Variants in SAT2 observed in about 807,000 individuals in gnomAD.
The protein encoded by SAT2 is spermidine/spermine N1-acetyltransferase family member 2.
SAT2 carries 19 observed loss-of-function variants against 24.8 expected under a neutral mutation model. The ratio of observed to expected loss-of-function variants is 0.77; its 90% CI spans 0.53 to 1.12. The LOEUF (loss-of-function observed/expected upper bound fraction) is 1.12, where lower values mean the gene tolerates loss of function less well. Ranked by LOEUF, SAT2 falls within the 50% of genes most tolerant of loss-of-function variation. SAT2 has a pLI of 0.00. For missense variants in SAT2, 190 were observed against 210.7 expected (o/e 0.90, Z 0.61); for synonymous variants, 77 against 77.4 (o/e 0.99, Z 0.03).
Position 7,627,358 on chromosome 17 carries a change from C to G in SAT2, c.118+5G>C. The G allele has an allele frequency of 6.2e-7, 1 of 1,614,170 alleles. No individual in the cohort carries two copies. The highest frequency in any genetic ancestry group is 8.5e-7 in the Non-Finnish European group (1 of 1,180,032). On this transcript the variant is annotated splice_donor_5th_base_variant and intron_variant, in intron 2 of 5. Coordinates refer to ENST00000269298, the MANE Select transcript of SAT2 (RefSeq NM_133491.5). This position sits in a 1 kb window ranked among gnomAD's most constrained non-coding sequence, Gnocchi z 4.8. The stretch of plus-strand genomic sequence containing the variant: ...TCCGCCAGAACCTGGGCGCTGAGCC[C>G]CCACCTTCTTCACTGATCTTCACCT...
At position 7,626,468 on chromosome 17, in the gene SAT2, CG is replaced by C; in HGVS notation, c.491del (p.Thr164ArgfsTer25). 1 of 1,614,046 alleles carries C rather than the reference CG, an allele frequency of 6.2e-7. No individual in the cohort carries two copies. Among genetic ancestry groups the C allele is most frequent in the Non-Finnish European group, 8.5e-7 (1 of 1,179,978 alleles). On this transcript the variant is annotated frameshift_variant, in exon 6 of 6. Transcript: ENST00000269298. LOFTEE classifies it high-confidence loss of function. ...WHFFCFQGEA[T>X]RKLAGK ...GGCGTCACTTTCCTGCCAACTTTCT[CG>C]TTGCCTCTCCTTGAAAGCAGAAGAA...
Position 7,627,048 on chromosome 17 carries a change from A to G in SAT2, c.203-4T>C, listed in dbSNP as rs373106858. The G allele has an allele frequency of 1.9e-6, 3 of 1,613,442 alleles. No individual in the cohort carries two copies. The highest frequency in any genetic ancestry group is 2.5e-6 in the Non-Finnish European group (3 of 1,179,514). ...CCATAGCCCACCACGCAGGGCCCTG[A>G]GAGAGAGAAAAGGGGAGTAAGGCTT... On this transcript the variant is annotated splice_region_variant and splice_polypyrimidine_tract_variant and intron_variant, in intron 3 of 5. Coordinates refer to ENST00000269298, the MANE Select transcript of SAT2 (RefSeq NM_133491.5). The surrounding 1 kb of genome is among the most constrained non-coding windows in gnomAD (Gnocchi z 4.8).
chr17:7,627,407 G>T lies in SAT2; in HGVS notation c.74C>A (p.Ala25Asp). 1.2e-6 allele frequency: 2 copies of T among 1,614,030 alleles called. No homozygotes were observed. The highest frequency in any genetic ancestry group is 2.2e-5 in the South Asian group (2 of 91,066). The change falls in exon 2 of 6, where the codon GCC (alanine) becomes GAC (aspartate). Residue 25 changes from alanine to aspartate, a missense_variant. Ala to Asp is a moderately radical substitution (Grantham distance 126). Coordinates refer to ENST00000269298, the MANE Select transcript of SAT2 (RefSeq NM_133491.5). The surrounding 1 kb of genome is among the most constrained non-coding windows in gnomAD (Gnocchi z 4.8). Reference sequence around the variant, plus strand: ...CTGATCCGAGAGTTTTTCGAATTCGGCTAGCTCCTAAGGCGTGGGTACGGA... The same window carrying T: ...CTGATCCGAGAGTTTTTCGAATTCGTCTAGCTCCTAAGGCGTGGGTACGGA... ...GDILRLIREL[A>D]EFEKLSDQVK...
Position 7,627,129 on chromosome 17 carries a change from C to T in SAT2, c.202+14G>A. 11 of 1,613,912 alleles carry T rather than the reference C, an allele frequency of 6.8e-6. No homozygotes were observed. The highest frequency in any genetic ancestry group is 8.5e-6 in the Non-Finnish European group (10 of 1,179,884). ...GGCTGGAGAGGTGGACTTCTAAGGGCCAGGTGCTCTTACCCAGTAGCTTCC... is the reference window on the plus strand; with the variant it reads ...GGCTGGAGAGGTGGACTTCTAAGGGTCAGGTGCTCTTACCCAGTAGCTTCC... On this transcript the variant is annotated intron_variant, in intron 3 of 5. Coordinates refer to ENST00000269298, the MANE Select transcript of SAT2 (RefSeq NM_133491.5). This position sits in a 1 kb window ranked among gnomAD's most constrained non-coding sequence, Gnocchi z 4.8.
At position 7,627,816 on chromosome 17, in the gene SAT2, G is replaced by A; in HGVS notation, c.-181C>T. 4 of 706,330 alleles carry A rather than the reference G, an allele frequency of 5.7e-6. No individual in the cohort carries two copies. Among genetic ancestry groups the A allele is most frequent in the Non-Finnish European group, 1.0e-5 (4 of 388,832 alleles). 43.8% of individuals were successfully genotyped at this position (706,330 alleles called of 1,614,324 possible). ...GCTGGGATTCCGGCGCCGTACGGGA[G>A]GAGAGAGTAGGCCAGCGAGGCGATC... On this transcript the variant is annotated 5_prime_UTR_variant, in exon 1 of 6. Coordinates refer to ENST00000269298, the MANE Select transcript of SAT2 (RefSeq NM_133491.5). The surrounding 1 kb of genome is among the most constrained non-coding windows in gnomAD (Gnocchi z 4.8).
intron 4 of SAT2, 21 bp from the exon 5 acceptor site, chr17:7,626,814 C>CA: frequency 6.2e-7 from 1 of 1,613,530 alleles, no homozygotes. Flanking sequence ...GAGAAAGAGG[C>CA]AAAAAATAGC....
At chr17:7,627,863 C>A (rs2072271963), upstream of SAT2, 2 of 650,564 alleles carry the variant, frequency 3.1e-6, no homozygotes, top group Non-Finnish European at 5.7e-6. The surrounding 1 kb of genome is among the most constrained non-coding windows in gnomAD (Gnocchi z 4.8). Flanking sequence ...CATAGCCCCA[C>A]CCCCTCGAAT....
At position 7,627,008 on chromosome 17, in the gene SAT2, A is replaced by T. The variant is rs779410259; in HGVS notation, c.239T>A (p.Ile80Asn). ...GGTGCGTCCCTTCCATGTACTGTAG[A>T]TGAAATAGTATATCCCATAGCCCAC... Reference protein sequence around the residue: ...CVVGYGIYYFIYSTWKGRTIY... With the variant: ...CVVGYGIYYFNYSTWKGRTIY... Residue 80 changes from isoleucine to asparagine, a missense_variant, in exon 4 of 6, where the codon ATC (isoleucine) becomes AAC (asparagine). By Grantham distance (149) the Ile-to-Asn change is moderately radical. Transcript: ENST00000269298. The surrounding 1 kb of genome is among the most constrained non-coding windows in gnomAD (Gnocchi z 4.8). The T allele has an allele frequency of 1.5e-5, 25 of 1,613,820 alleles. No homozygotes were observed. Among genetic ancestry groups the T allele is most frequent in the South Asian group, 9.9e-5 (9 of 91,076 alleles).
rs755693188 is a variant in SAT2, at chr17:7,627,461, G to C, written c.67-47C>G. ...TAGATTAGAGCAGAAGGGCCCCGCT[G>C]CTCCCCGAGCAGGTTCCCAAGGCGA... On this transcript the variant is annotated intron_variant, in intron 1 of 5. Coordinates refer to ENST00000269298, the MANE Select transcript of SAT2 (RefSeq NM_133491.5). The surrounding 1 kb of genome is among the most constrained non-coding windows in gnomAD (Gnocchi z 4.8). 1 of 1,610,966 alleles carries C rather than the reference G, an allele frequency of 6.2e-7. No homozygotes were observed. The highest frequency in any genetic ancestry group is 1.1e-5 in the South Asian group (1 of 91,028).
rs868250367 is a variant in SAT2 at position 7,626,687 on chromosome 17, C to T, written c.345+66G>A. 4.7e-5 allele frequency: 76 copies of T among 1,612,202 alleles called. No individual in the cohort carries two copies. The African/African-American group carries it at 7.2e-4, about 15-fold the overall frequency. On this transcript the variant is annotated intron_variant, in intron 5 of 5. Transcript: ENST00000269298. Reference sequence around the variant, plus strand: ...GGTTTTCTCACTCCCTCTTTCAACCCGGGTCCCCCCTCCATATACCCTTGC... The same window carrying T: ...GGTTTTCTCACTCCCTCTTTCAACCTGGGTCCCCCCTCCATATACCCTTGC...
chr17:7,626,352 G>A lies in SAT2; in HGVS notation c.*95C>T. ...CCCTAACCCTCCTTCCTCCAGGGAG[G>A]CCTCAGCATCAGTGTCTGTGGACGT... On this transcript the variant is annotated 3_prime_UTR_variant, in exon 6 of 6. Coordinates refer to ENST00000269298, the MANE Select transcript of SAT2 (RefSeq NM_133491.5). 1 of 1,380,926 alleles carries A rather than the reference G, an allele frequency of 7.2e-7. No individual in the cohort carries two copies. The highest frequency in any genetic ancestry group is 1.4e-5 in the African/African-American group (1 of 69,664). The allele number at this position is 1,380,926 out of a possible 1,614,324, so 85.5% of individuals were successfully genotyped here.
chr17:7,627,315 C>T lies in SAT2; in HGVS notation c.118+48G>A, dbSNP rs1161467419. 1 of 1,613,144 alleles carries T rather than the reference C, an allele frequency of 6.2e-7. No homozygotes were observed. The highest frequency in any genetic ancestry group is 8.5e-7 in the Non-Finnish European group (1 of 1,179,284). On this transcript the variant is annotated intron_variant, in intron 2 of 5. Coordinates refer to ENST00000269298, the MANE Select transcript of SAT2 (RefSeq NM_133491.5). The surrounding 1 kb of genome is among the most constrained non-coding windows in gnomAD (Gnocchi z 4.8). The stretch of plus-strand genomic sequence containing the variant: ...GAGCTGTCGCCTGGGGAACCCATCC[C>T]TCATTTCCTCCCCAGCCTCCGCCAG...
rs768733721 is a variant in SAT2 at position 7,627,738 on chromosome 17, G to A, written c.-103C>T. ...TGGATCCTGAAGAGCCTGAGAGAGC[G>A]GGGTGGCGGGAGTCGGGGGGGACGG... On this transcript the variant is annotated 5_prime_UTR_variant, in exon 1 of 6. Transcript: ENST00000269298. The surrounding 1 kb of genome is among the most constrained non-coding windows in gnomAD (Gnocchi z 4.8). The A allele has an allele frequency of 6.5e-6, 9 of 1,374,110 alleles. No homozygotes were observed. Among genetic ancestry groups the A allele is most frequent in the Admixed American group, 1.8e-5 (1 of 55,610 alleles). 85.1% of individuals were successfully genotyped at this position (1,374,110 alleles called of 1,614,324 possible). A position where few individuals can be genotyped will look rare whatever the true frequency, so the allele number is the denominator to read the frequency against.
intron 4 of SAT2, 47 bp from the exon 5 acceptor site, chr17:7,626,840 AG>A: frequency 6.2e-7 from 1 of 1,610,572 alleles, no homozygotes; most frequent in South Asian, 1.1e-5. Context: ...TTTGAGCTGA[AG>A]GGGATCAGAA....
At position 7,627,654 on chromosome 17, in the gene SAT2, G is replaced by T. The variant is rs779982141; in HGVS notation, c.-19C>A. Reference sequence around the variant, plus strand: ...AAGCCATCCGGATCCCCGCTGTCTGGGACCAAAGTCCCAGGGCCTCGCAAA... The same window carrying T: ...AAGCCATCCGGATCCCCGCTGTCTGTGACCAAAGTCCCAGGGCCTCGCAAA... On this transcript the variant is annotated 5_prime_UTR_variant, in exon 1 of 6. Coordinates refer to ENST00000269298, the MANE Select transcript of SAT2 (RefSeq NM_133491.5). The surrounding 1 kb of genome is among the most constrained non-coding windows in gnomAD (Gnocchi z 4.8). 1.2e-6 allele frequency: 2 copies of T among 1,613,948 alleles called. No individual in the cohort carries two copies. The highest frequency in any genetic ancestry group is 2.2e-5 in the South Asian group (2 of 91,074).
In SAT2 at chr17:7,627,489, C is replaced by T; in HGVS notation, c.67-75G>A. 6.3e-7 allele frequency: 1 copy of T among 1,594,850 alleles called. No individual in the cohort carries two copies. The highest frequency in any genetic ancestry group is 1.1e-5 in the South Asian group (1 of 90,634). ...CCCCGAGCAGGTTCCCAAGGCGAGCCCCTCCCCCTGCCCCCGCCTCCTACG... is the reference window on the plus strand; with the variant it reads ...CCCCGAGCAGGTTCCCAAGGCGAGCTCCTCCCCCTGCCCCCGCCTCCTACG... On this transcript the variant is annotated intron_variant, in intron 1 of 5. Coordinates refer to ENST00000269298, the MANE Select transcript of SAT2 (RefSeq NM_133491.5). This position sits in a 1 kb window ranked among gnomAD's most constrained non-coding sequence, Gnocchi z 4.8.
At position 7,626,334 on chromosome 17, in the gene SAT2, C is replaced by A; in HGVS notation, c.*113G>T. The A allele has an allele frequency of 8.2e-7, 1 of 1,214,196 alleles. No homozygotes were observed. The highest frequency in any genetic ancestry group is 2.1e-5 in the Admixed American group (1 of 46,904). The allele number at this position is 1,214,196 out of a possible 1,614,324, so 75.2% of individuals were successfully genotyped here. A position where few individuals can be genotyped will look rare whatever the true frequency, so the allele number is the denominator to read the frequency against. On this transcript the variant is annotated 3_prime_UTR_variant, in exon 6 of 6. Coordinates refer to ENST00000269298, the MANE Select transcript of SAT2 (RefSeq NM_133491.5). Reference sequence around the variant, plus strand: ...ATACTTGAGGATAGGCACCCCTAACCCTCCTTCCTCCAGGGAGGCCTCAGC... The same window carrying A: ...ATACTTGAGGATAGGCACCCCTAACACTCCTTCCTCCAGGGAGGCCTCAGC...
At position 7,626,953 on chromosome 17, in the gene SAT2, CGG is replaced by C; in HGVS notation, c.292_293del (p.Pro98GlyfsTer17). On this transcript the variant is annotated frameshift_variant, in exon 4 of 6. Transcript: ENST00000269298. LOFTEE classifies it high-confidence loss of function. ...TIYLEDIYVM[P>X]EYRGQGIGSK... The stretch of plus-strand genomic sequence containing the variant: ...GCTTCTGCCCAGTACCCCGATATTC[CGG>C]CATCACATAGATATCCTCCAGATAA... 2 of 1,613,442 alleles carry C rather than the reference CGG, an allele frequency of 1.2e-6. No homozygotes were observed. The highest frequency in any genetic ancestry group is 1.7e-6 in the Non-Finnish European group (2 of 1,179,648).
At position 7,626,460 on chromosome 17, in the gene SAT2, A is replaced by G. The variant is rs2072208810; in HGVS notation, c.500T>C (p.Leu167Ser). 1 of 1,613,830 alleles carries G rather than the reference A, an allele frequency of 6.2e-7. No individual in the cohort carries two copies. Among genetic ancestry groups the G allele is most frequent in the Non-Finnish European group, 8.5e-7 (1 of 1,179,942 alleles). ...CTAGGGATGGCGTCACTTTCCTGCC[A>G]ACTTTCTCGTTGCCTCTCCTTGAAA... Reference protein sequence around the residue: ...FCFQGEATRKLAGK With the variant: ...FCFQGEATRKSAGK The change falls in exon 6 of 6, where the codon TTG becomes TCG. Residue 167 changes from leucine (L) to serine (S), a missense_variant. By Grantham distance (145) the Leu-to-Ser change is moderately radical. Transcript: ENST00000269298.
Sources: gnomAD v4.1 joint callset for allele counts on GRCh38, gnomAD v4.1.1 for gene constraint, Gnocchi (gnomAD v3.1) non-coding constraint, MANE v1.5 for transcripts, NCBI Gene and HGNC (gene_info 2026-07-23, HGNC 2026-07-21) for gene names.